DROSHA: variants seen among roughly 807,000 people sequenced by gnomAD.
DROSHA encodes ribonuclease 3.
DROSHA carries 56 observed loss-of-function variants against 181.9 expected under a neutral mutation model. That is an observed-to-expected ratio of 0.31 (90% CI 0.25 to 0.38). The LOEUF (loss-of-function observed/expected upper bound fraction) is 0.38, where lower values mean the gene tolerates loss of function less well. Among genes scored for constraint, DROSHA ranks in the 10% least tolerant of loss-of-function variants. The pLI, the probability that DROSHA is intolerant of heterozygous loss-of-function variation, is 1.00. For synonymous variants in DROSHA, 524 were observed against 591.2 expected, an observed-to-expected ratio of 0.89 and a Z score of 1.65; for missense variants, 1,218 against 1,743.5, an observed-to-expected ratio of 0.70 and a Z score of 5.37.
chr5:31,519,855 T>A (rs1331841120), intron 6 of DROSHA, among the ~76,000 whole-genome samples: 1 of 152,234 alleles, frequency 6.6e-6, no homozygotes, highest in Non-Finnish European at 1.5e-5. Flanking sequence ...AACTTTTCTA[T>A]CCATGCAGTC....
At chr5:31,492,232 GAAAT>G (rs1371424980) in intron 13 of DROSHA, among the ~76,000 whole-genome samples, 3 of 152,136 alleles carry the variant, frequency 2.0e-5, no homozygotes, top group Non-Finnish European at 4.4e-5. Flanking sequence ...AAAATACTGT[GAAAT>G]AAAGAAAATC....
At chr5:31,457,123 CTTTTTT>C (rs5867080) in intron 20 of DROSHA, among the ~76,000 whole-genome samples, 12 of 99,122 alleles carry the variant, frequency 1.2e-4, no homozygotes, top group African/African-American at 3.2e-4. Flanking sequence ...GAAATTAAGC[CTTTTTT>C]TTTTTTTTTT....
chr5:31,453,182 TTGC>T (rs1747234850), intron 20 of DROSHA, among the ~76,000 whole-genome samples: 1 of 152,184 alleles, frequency 6.6e-6, no homozygotes, highest in Non-Finnish European at 1.5e-5. Flanking sequence ...TCTTTAGAGT[TTGC>T]TGATTATTAA....
chr5:31,526,347 C>T lies in DROSHA; in HGVS notation c.586G>A (p.Ala196Thr), dbSNP rs1054557587. The T allele has an allele frequency of 5.0e-6, 8 of 1,613,606 alleles. No individual in the cohort carries two copies. The highest frequency in any genetic ancestry group is 1.7e-5 in the Admixed American group (1 of 59,992). Residue 196 changes from alanine (A) to threonine (T), a missense_variant, in exon 5 of 36, where the codon GCT becomes ACT. Ala to Thr is a moderately conservative substitution (Grantham distance 58, BLOSUM62 0). Around this residue, in one of 8 missense-constraint regions of DROSHA, gnomAD observed 536 missense variants for 535.4 expected, o/e 1.00. Coordinates refer to ENST00000344624, the MANE Select transcript of DROSHA (RefSeq NM_001382508.1). ...QNNPSSFLPS[A>T]NNSSSPHFRH... ...AAATGAGGACTACTGCTGTTATTAG[C>T]ACTGGGCAGGAAAGAACTAGGGTTG...
Position 31,409,207 on chromosome 5 carries a change from A to G in DROSHA, c.3750+43T>C. ...TTTAGTAATGGGTTCTGGAATCACC[A>G]AACATAAAGCAGACCACTAATTCAA... On this transcript the variant is annotated intron_variant, in intron 32 of 35. Transcript: ENST00000344624. This position sits in a 1 kb window ranked among gnomAD's most constrained non-coding sequence, Gnocchi z 4.0. 1.2e-6 allele frequency: 2 copies of G among 1,607,690 alleles called. No individual in the cohort carries two copies. Among genetic ancestry groups the G allele is most frequent in the East Asian group, 4.5e-5 (2 of 44,736 alleles).
intron 23 of DROSHA, among the ~76,000 whole-genome samples, chr5:31,444,469 G>T (rs182693097): frequency 2.0e-5 from 3 of 152,232 alleles, no homozygotes; most frequent in East Asian, 3.9e-4. Context: ...CTTCTGCCAC[G>T]GTAAGAAAGC....
chr5:31,472,120 C>T lies in DROSHA; in HGVS notation c.2184G>A (p.Leu728=), dbSNP rs1245364021. The T allele has an allele frequency of 1.2e-6, 2 of 1,613,792 alleles. No homozygotes were observed. Among genetic ancestry groups the T allele is most frequent in the Non-Finnish European group, 1.7e-6 (2 of 1,179,872 alleles). ...EIANMLQWEE[L]EWQKYAEECK... The stretch of plus-strand genomic sequence containing the variant: ...ATTCTTCTGCATATTTCTGCCACTC[C>T]AGCTCCTCCCACTGAAGCATATTGG... The change falls in exon 17 of 36, where the codon CTG becomes CTA. Residue 728 remains leucine, a synonymous_variant. Coordinates refer to ENST00000344624, the MANE Select transcript of DROSHA (RefSeq NM_001382508.1).
chr5:31,456,503 C>T (rs1353332846), intron 20 of DROSHA, among the ~76,000 whole-genome samples: 1 of 151,482 alleles, frequency 6.6e-6, no homozygotes, highest in Non-Finnish European at 1.5e-5. Context: ...CAGACACACA[C>T]ACACAGAGAG....
At chr5:31,495,508 C>A (rs1436306748) in intron 11 of DROSHA, 136 bp from the exon 12 acceptor site, 1 of 806,004 alleles carries the variant, frequency 1.2e-6, no homozygotes, top group East Asian at 2.9e-5. Flanking sequence ...TAGGAAAGAA[C>A]AGTATTGGCT....
intron 17 of DROSHA, among the ~76,000 whole-genome samples, chr5:31,471,373 C>A (rs961596599): frequency 6.6e-6 from 1 of 151,898 alleles, no homozygotes; most frequent in South Asian, 2.1e-4. Flanking sequence ...TTTTATGAAA[C>A]AGTAACACTA....
In DROSHA at chr5:31,466,236, T is replaced by C; in HGVS notation, c.2412A>G (p.Leu804=). Residue 804 remains leucine, a synonymous_variant, in exon 19 of 36, where the codon CTA becomes CTG. Coordinates refer to ENST00000344624, the MANE Select transcript of DROSHA (RefSeq NM_001382508.1). The part of the protein sequence containing the change: ...WKSYVKLRHL[L]ANSPKVKQTD... Reference sequence around the variant, plus strand: ...TTTGTTTGACTTTGGGACTATTTGCTAGGAGGTGGCGAAGTTTCACATAAC... The same window carrying C: ...TTTGTTTGACTTTGGGACTATTTGCCAGGAGGTGGCGAAGTTTCACATAAC... The C allele has an allele frequency of 1.9e-6, 3 of 1,613,684 alleles. 1 individual carries two copies. The South Asian group carries it at 3.3e-5, about 18-fold the overall frequency.
At chr5:31,478,365 C>T (rs1204297425) in intron 16 of DROSHA, among the ~76,000 whole-genome samples, 1 of 152,196 alleles carries the variant, frequency 6.6e-6, no homozygotes, top group Non-Finnish European at 1.5e-5. Context: ...TTGTGATGGG[C>T]CACATTCAAA....
chr5:31,422,372 C>T (rs548922558), intron 29 of DROSHA, among the ~76,000 whole-genome samples: 4 of 152,228 alleles, frequency 2.6e-5, no homozygotes, highest in Admixed American at 6.5e-5. Context: ...ATCCAGCCCA[C>T]GGACTGTTTC....
intron 23 of DROSHA, among the ~76,000 whole-genome samples, chr5:31,446,908 C>T (rs937168721): frequency 2.0e-5 from 3 of 152,106 alleles, no homozygotes; most frequent in Non-Finnish European, 2.9e-5. Flanking sequence ...GGCATGCTGG[C>T]GCACACCTGT....
intron 11 of DROSHA, among the ~76,000 whole-genome samples, chr5:31,500,943 C>A (rs1222565151): frequency 6.6e-6 from 1 of 152,160 alleles, no homozygotes; most frequent in Non-Finnish European, 1.5e-5. Flanking sequence ...GAATGGATAA[C>A]CAAGACACTG....
chr5:31,489,505 G>A (rs1752144068), intron 13 of DROSHA, among the ~76,000 whole-genome samples: 1 of 152,140 alleles, frequency 6.6e-6, no homozygotes, highest in African/African-American at 2.4e-5. Context: ...GTGTCAAGAA[G>A]AGCTTGTTAT....
rs1740650285 is a variant in DROSHA at position 31,526,855 on chromosome 5, T to G, written c.78A>C (p.Gly26=). Residue 26 remains glycine, a synonymous_variant, in exon 5 of 36, where the codon GGA becomes GGC. Transcript: ENST00000344624. Reference sequence around the variant, plus strand: ...TAAAGGATGGTGCTGAGGGTCTGGCTCCATGTCCTCCTCGTCCTCGGGGAC... The same window carrying G: ...TAAAGGATGGTGCTGAGGGTCTGGCGCCATGTCCTCCTCGTCCTCGGGGAC... The part of the protein sequence containing the change: ...RGCPRGRGGH[G]ARPSAPSFRP... 4 of 1,613,230 alleles carry G rather than the reference T, an allele frequency of 2.5e-6. No homozygotes were observed. In the Admixed American group the frequency reaches 5.0e-5, roughly 20 times the overall value.
chr5:31,472,443 T>C (rs188494716), intron 16 of DROSHA, among the ~76,000 whole-genome samples: 1 of 152,336 alleles, frequency 6.6e-6, no homozygotes, highest in African/African-American at 2.4e-5. Flanking sequence ...CCATCTCATT[T>C]ACTAAATTGG....
Position 31,530,782 on chromosome 5 carries a change from C to T in DROSHA, c.-47+16G>A. On this transcript the variant is annotated intron_variant, in intron 3 of 35. Coordinates refer to ENST00000344624, the MANE Select transcript of DROSHA (RefSeq NM_001382508.1). The stretch of plus-strand genomic sequence containing the variant: ...CTCTAGACTTAGTCTATACTTAATC[C>T]TTTTACAGCACTTACCAGAGACTGC... 2.5e-6 allele frequency: 1 copy of T among 398,372 alleles called. No individual in the cohort carries two copies. Among genetic ancestry groups the T allele is most frequent in the South Asian group, 1.3e-4 (1 of 7,840 alleles). 24.7% of individuals were successfully genotyped at this position (398,372 alleles called of 1,614,324 possible).
Sources: gnomAD v4.1 joint callset for allele counts (sites outside exome capture counted in the v4.1 genomes callset) on GRCh38, gnomAD v4.1.1 for gene constraint, gnomAD v4.1.1 regional missense constraint, Gnocchi (gnomAD v3.1) non-coding constraint, MANE v1.5 for transcripts, NCBI Gene and HGNC (gene_info 2026-07-23, HGNC 2026-07-21) for gene names.